KCNIP1: variants seen among roughly 807,000 people sequenced by gnomAD.
The protein encoded by KCNIP1 is A-type potassium channel modulatory protein KCNIP1.
A neutral mutation model predicts 33.0 loss-of-function variants in KCNIP1; 18 were observed. The observed-to-expected ratio is 0.55, with a 90% confidence interval of 0.38 to 0.81. The LOEUF is 0.81. KCNIP1 is among the 30% of genes least tolerant of loss of function. The pLI, the probability that KCNIP1 is intolerant of heterozygous loss-of-function variation, is 0.00. For missense variants in KCNIP1, 238 were observed against 271.6 expected (o/e 0.88, Z 0.87); for synonymous variants, 93 against 98.3 (o/e 0.95, Z 0.32).
intron 1 of KCNIP1, among the ~76,000 whole-genome samples, chr5:170,557,272 A>T (rs1756875053): frequency 6.6e-6 from 1 of 152,230 alleles, no homozygotes; most frequent in African/African-American, 2.4e-5. Context: ...GTGCTCAGAC[A>T]TGTTAGCCAG....
chr5:170,609,444 T>C (rs1042878607), intron 1 of KCNIP1, among the ~76,000 whole-genome samples: 1 of 152,186 alleles, frequency 6.6e-6, no homozygotes, highest in African/African-American at 2.4e-5. Context: ...GACGCTCATG[T>C]TAGCCTAACA....
At chr5:170,713,048 TAG>T (rs1223206042) in intron 1 of KCNIP1, among the ~76,000 whole-genome samples, 1 of 152,232 alleles carries the variant, frequency 6.6e-6, no homozygotes, top group Admixed American at 6.5e-5. Flanking sequence ...AATGTTCTTT[TAG>T]AGACAAGTTA....
chr5:170,500,164 T>C (rs566071327), upstream of KCNIP1, among the ~76,000 whole-genome samples: 1 of 151,878 alleles, frequency 6.6e-6, no homozygotes, highest in African/African-American at 2.4e-5. Context: ...GCGTGGGGGG[T>C]CTTTGGAGTC....
rs1432627443 is a variant in KCNIP1, at chr5:170,383,856, G to A, written c.88+29892G>A. The A allele has an allele frequency of 3.7e-6, 6 of 1,613,442 alleles. No individual in the cohort carries two copies. The African/African-American group carries it at 4.0e-5, about 11-fold the overall frequency. ...TGGATTCCTGGGTCCACACGCTGAGGAGACCACACACATGCACACATACAC... is the reference window on the plus strand; with the variant it reads ...TGGATTCCTGGGTCCACACGCTGAGAAGACCACACACATGCACACATACAC... On this transcript the variant is annotated intron_variant, in intron 1 of 7. Coordinates refer to the KCNIP1 transcript ENST00000377360.
chr5:170,721,522 G>T (rs193276673), intron 3 of KCNIP1, among the ~76,000 whole-genome samples: 1 of 152,000 alleles, frequency 6.6e-6, no homozygotes, highest in South Asian at 2.1e-4. Flanking sequence ...ATTCATGGCC[G>T]TTCAGAAGAA....
At position 170,646,629 on chromosome 5, in the gene KCNIP1, A is replaced by G. The variant is rs1760798841; in HGVS notation, c.62-72129A>G. Among the ~76,000 whole-genome samples, 5 of 152,162 alleles carry G rather than the reference A, an allele frequency of 3.3e-5. No homozygotes were observed. In the South Asian group the frequency reaches 1.0e-3, roughly 32 times the overall value. ...GAACATCTACAAAAATCCTCCAGCTAACATCATACTTAATGGTGAGAAACT... is the reference window on the plus strand; with the variant it reads ...GAACATCTACAAAAATCCTCCAGCTGACATCATACTTAATGGTGAGAAACT... On this transcript the variant is annotated intron_variant, in intron 1 of 7. Coordinates refer to ENST00000328939, the MANE Select transcript of KCNIP1 (RefSeq NM_014592.4).
intron 1 of KCNIP1, among the ~76,000 whole-genome samples, chr5:170,643,985 T>C (rs1760685542): frequency 6.6e-6 from 1 of 152,178 alleles, no homozygotes; most frequent in South Asian, 2.1e-4. Flanking sequence ...GTCACTGAAC[T>C]CCCCTCAGCG....
At chr5:170,641,263 C>A (rs1315689323) in intron 1 of KCNIP1, among the ~76,000 whole-genome samples, 1 of 152,208 alleles carries the variant, frequency 6.6e-6, no homozygotes, top group East Asian at 1.9e-4. Flanking sequence ...CATCACATTT[C>A]TCCCAGGCTA....
intron 1 of KCNIP1, among the ~76,000 whole-genome samples, chr5:170,521,231 G>A (rs1262041947): frequency 2.0e-5 from 3 of 152,166 alleles, no homozygotes; most frequent in Non-Finnish European, 2.9e-5. Context: ...TTTATTCTGA[G>A]CTAGAATGTG....
intron 1 of KCNIP1, chr5:170,379,065 T>C (rs1297870420): frequency 6.8e-6 from 10 of 1,461,788 alleles, no homozygotes; most frequent in Non-Finnish European, 9.2e-6. Flanking sequence ...ACCAGCTTTG[T>C]AGTCGGGCCC....
chr5:170,686,590 T>G, intron 1 of KCNIP1, among the ~76,000 whole-genome samples: 1 of 152,166 alleles, frequency 6.6e-6, no homozygotes, highest in East Asian at 1.9e-4. Context: ...CACCTTACAC[T>G]TGAGTTGTGG....
intron 1 of KCNIP1, among the ~76,000 whole-genome samples, chr5:170,384,372 C>A (rs1731205582): frequency 1.3e-5 from 2 of 152,198 alleles, no homozygotes; most frequent in Admixed American, 1.3e-4. Flanking sequence ...TGTGTTCTTT[C>A]CCCTAAAAGG....
intron 2 of KCNIP1, among the ~76,000 whole-genome samples, chr5:170,719,097 T>A (rs1039423803): frequency 7.2e-5 from 11 of 152,066 alleles, no homozygotes; most frequent in Non-Finnish European, 1.6e-4. Context: ...AACGGCCAAC[T>A]GCCCAGAAAT....
At position 170,357,021 on chromosome 5, in the gene KCNIP1, G is replaced by A. The variant is rs1459646083; in HGVS notation, c.88+3057G>A. 2.0e-5 allele frequency among the ~76,000 whole-genome samples: 3 copies of A among 152,298 alleles called. No homozygotes were observed. The East Asian group carries it at 5.8e-4, about 29-fold the overall frequency. On this transcript the variant is annotated intron_variant, in intron 1 of 7. Transcript: ENST00000377360. ...AAGGGCATTAAGATTGTTCCCAGAA[G>A]GAAAGGCTGGGTGGGCAGGCTTCTG...
At chr5:170,680,120 T>C (rs564937827) in intron 1 of KCNIP1, among the ~76,000 whole-genome samples, 83 of 152,306 alleles carry the variant, frequency 5.4e-4, no homozygotes, top group African/African-American at 1.9e-3. Context: ...GTTCCCACAC[T>C]TTACACAGGT....
At chr5:170,520,403 T>G (rs756085088) in intron 1 of KCNIP1, among the ~76,000 whole-genome samples, 11 of 152,166 alleles carry the variant, frequency 7.2e-5, no homozygotes, top group Non-Finnish European at 1.5e-4. Context: ...TTGGGGAAAT[T>G]AAGCCCCAGG....
intron 1 of KCNIP1, among the ~76,000 whole-genome samples, chr5:170,525,787 A>G (rs1755543324): frequency 6.6e-6 from 1 of 152,222 alleles, no homozygotes; most frequent in South Asian, 2.1e-4. Flanking sequence ...ACCTGGTTGA[A>G]GGAAGTAATT....
At chr5:170,589,160 G>A (rs1258742990) in intron 1 of KCNIP1, among the ~76,000 whole-genome samples, 1 of 151,988 alleles carries the variant, frequency 6.6e-6, no homozygotes, top group African/African-American at 2.4e-5. Context: ...ACCATACCTG[G>A]CTAACTTTTT....
At chr5:170,663,186 C>T (rs991825985) in intron 1 of KCNIP1, among the ~76,000 whole-genome samples, 1 of 152,164 alleles carries the variant, frequency 6.6e-6, no homozygotes, top group Non-Finnish European at 1.5e-5. Context: ...CAGACTGAAA[C>T]CCGAGTCTCG....
Sources: allele counts gnomAD v4.1 joint callset (sites outside exome capture counted in the v4.1 genomes callset), GRCh38; gene constraint gnomAD v4.1.1; transcripts MANE v1.5; gene names NCBI Gene and HGNC (gene_info 2026-07-23, HGNC 2026-07-21).